The following FMN1 variants were observed in gnomAD, a reference collection of about 807,000 sequenced individuals.
The protein encoded by FMN1 is formin 1, also known as formin-1.
FMN1 carries 110 observed loss-of-function variants against 132.4 expected under a neutral mutation model. The observed-to-expected ratio is 0.83, with a 90% CI of 0.71 to 0.97. FMN1 has a LOEUF of 0.97. Ranked by LOEUF, FMN1 falls within the 50% of genes least tolerant of loss-of-function variation. The pLI, the probability that FMN1 is intolerant of heterozygous loss-of-function variation, is 0.00. For synonymous variants in FMN1, 722 were observed against 651.7 expected, an observed-to-expected ratio of 1.11 and a Z score of -1.64; for missense variants, 1,792 against 1,705.3, an observed-to-expected ratio of 1.05 and a Z score of -0.90.
chr15:33,037,973 CA>C (rs1474785030), intron 6 of FMN1, among the ~76,000 whole-genome samples: 3 of 152,174 alleles, frequency 2.0e-5, no homozygotes, highest in African/African-American at 7.2e-5. Flanking sequence ...CGCCTATAAC[CA>C]TACCTTGGGA....
At chr15:32,987,818 CA>C (rs1482708023) in intron 7 of FMN1, among the ~76,000 whole-genome samples, 2 of 152,048 alleles carry the variant, frequency 1.3e-5, no homozygotes, top group African/African-American at 4.8e-5. Context: ...CTTAACAGGC[CA>C]GTACTAAAAC....
intron 11 of FMN1, 24 bp from the exon 12 acceptor site, chr15:32,908,602 C>T (rs202081323): frequency 7.4e-6 from 5 of 679,862 alleles, no homozygotes; most frequent in African/African-American, 6.6e-5. Context: ...GAAAACAAAA[C>T]CAAAAAAAAA....
At chr15:32,774,449 G>A (rs918636648) in intron 20 of FMN1, 95 bp from the exon 21 acceptor site, 57 of 980,434 alleles carry the variant, frequency 5.8e-5, no homozygotes, top group Middle Eastern at 4.3e-4. Flanking sequence ...CTGAGTTTCC[G>A]GAATTGTGCC....
At chr15:33,127,843 G>C (rs1051509829) in intron 4 of FMN1, among the ~76,000 whole-genome samples, 2 of 152,146 alleles carry the variant, frequency 1.3e-5, no homozygotes, top group Non-Finnish European at 2.9e-5. Flanking sequence ...AAATTCTGTT[G>C]GTAAGAGAGA....
intron 7 of FMN1, among the ~76,000 whole-genome samples, chr15:33,001,007 G>T (rs555122536): frequency 3.3e-5 from 5 of 152,164 alleles, no homozygotes; most frequent in African/African-American, 1.2e-4. Context: ...CCACGGCCAG[G>T]CACAGTGGCT....
intron 13 of FMN1, 106 bp downstream of exon 13, chr15:32,901,805 A>T (rs560465283): frequency 2.4e-6 from 2 of 842,308 alleles, no homozygotes; most frequent in South Asian, 6.0e-5. Flanking sequence ...AAAAACATAC[A>T]ATCTGAGTCC....
At chr15:33,160,502 T>C (rs2140299226) in intron 3 of FMN1, among the ~76,000 whole-genome samples, 1 of 152,294 alleles carries the variant, frequency 6.6e-6, no homozygotes, top group South Asian at 2.1e-4. Flanking sequence ...TATGGAATCA[T>C]CACACATATT....
At chr15:32,987,450 T>A (rs1361926865) in intron 7 of FMN1, among the ~76,000 whole-genome samples, 7 of 152,166 alleles carry the variant, frequency 4.6e-5, no homozygotes, top group Non-Finnish European at 7.4e-5. Context: ...ATTTCAACGT[T>A]AGACCATCAC....
chr15:32,800,066 T>C (rs2057426009), intron 18 of FMN1, among the ~76,000 whole-genome samples: 1 of 152,168 alleles, frequency 6.6e-6, no homozygotes, highest in Non-Finnish European at 1.5e-5. Context: ...GTTACTATTA[T>C]GGAGCATACT....
intron 4 of FMN1, among the ~76,000 whole-genome samples, chr15:33,146,857 A>C (rs1242830685): frequency 6.6e-6 from 1 of 152,156 alleles, no homozygotes; most frequent in African/African-American, 2.4e-5. Flanking sequence ...TGCTGTTTTC[A>C]AAAAGTGCTT....
chr15:33,086,758 A>G (rs2038712973), intron 5 of FMN1, among the ~76,000 whole-genome samples: 1 of 152,230 alleles, frequency 6.6e-6, no homozygotes, highest in African/African-American at 2.4e-5. Context: ...AACAAAACCA[A>G]AAACTTTACT....
chr15:33,062,655 C>T (rs1287439604), intron 6 of FMN1: 1 of 152,092 alleles, frequency 6.6e-6, no homozygotes, highest in Non-Finnish European at 1.5e-5. Context: ...CGGAAAAGAA[C>T]AGTAGTCTAT....
intron 9 of FMN1, among the ~76,000 whole-genome samples, chr15:32,926,597 T>C (rs990842669): frequency 1.2e-4 from 18 of 152,214 alleles, no homozygotes; most frequent in African/African-American, 4.1e-4. Flanking sequence ...TTTTCACTTA[T>C]CACTGGAATA....
intron 7 of FMN1, among the ~76,000 whole-genome samples, chr15:32,993,005 G>T (rs1245016753): frequency 6.6e-6 from 1 of 152,172 alleles, no homozygotes; most frequent in Non-Finnish European, 1.5e-5. Flanking sequence ...CAGGACATAA[G>T]GGTCATGTGA....
intron 7 of FMN1, among the ~76,000 whole-genome samples, chr15:33,004,937 G>C (rs901817971): frequency 2.0e-5 from 3 of 151,786 alleles, no homozygotes; most frequent in Non-Finnish European, 4.4e-5. Flanking sequence ...CTATCGCAAG[G>C]ACAAAAAAAC....
At chr15:33,009,755 T>C (rs183570993) in intron 6 of FMN1, among the ~76,000 whole-genome samples, 8 of 152,272 alleles carry the variant, frequency 5.3e-5, no homozygotes, top group Admixed American at 4.6e-4. Flanking sequence ...ATCAAGGAAG[T>C]AGAATAATTT....
intron 4 of FMN1, among the ~76,000 whole-genome samples, chr15:33,115,011 T>A (rs1431451129): frequency 1.3e-5 from 2 of 152,170 alleles, no homozygotes; most frequent in African/African-American, 4.8e-5. Context: ...ATATGATCCA[T>A]GTATTGATTT....
chr15:33,177,214 C>T (rs1052876621), intron 3 of FMN1, among the ~76,000 whole-genome samples: 3 of 152,184 alleles, frequency 2.0e-5, no homozygotes, highest in Admixed American at 6.5e-5. Context: ...ACCCAGAGCC[C>T]TGGCTCTTGA....
chr15:33,068,398 G>A (rs919459850), intron 5 of FMN1, among the ~76,000 whole-genome samples: 5 of 152,158 alleles, frequency 3.3e-5, no homozygotes, highest in African/African-American at 1.2e-4. Context: ...AGCAGCCTAA[G>A]GGAATCAGAA....
Sources: gnomAD v4.1 joint callset for allele counts (sites outside exome capture counted in the v4.1 genomes callset) on GRCh38, gnomAD v4.1.1 for gene constraint, MANE v1.5 for transcripts, NCBI Gene and HGNC (gene_info 2026-07-23, HGNC 2026-07-21) for gene names.